The following TMEM266 variants were observed in gnomAD, a reference collection of about 807,000 sequenced individuals.
TMEM266 encodes the protein transmembrane protein 266.
In TMEM266, 33 loss-of-function variants were observed where a neutral mutation model predicts 50.5. The observed-to-expected ratio is 0.65, with a 90% CI of 0.50 to 0.87. The LOEUF (loss-of-function observed/expected upper bound fraction) is 0.87, where lower values mean the gene tolerates loss of function less well. Ranked by LOEUF, TMEM266 falls within the 40% of genes least tolerant of loss-of-function variation. The pLI is 0.00. For missense variants in TMEM266, 655 were observed against 695.1 expected (o/e 0.94, Z 0.65); for synonymous variants, 310 against 292.3 (o/e 1.06, Z -0.62).
intron 7 of TMEM266, chr15:76,175,078 TC>T (rs1425196684): frequency 1.3e-5 from 2 of 156,732 alleles, no homozygotes; most frequent in African/African-American, 4.8e-5. Flanking sequence ...TGTTTAACAC[TC>T]TGAAAAACGG....
chr15:76,124,033 G>A (rs1177248909), intron 1 of TMEM266, among the ~76,000 whole-genome samples: 1 of 152,196 alleles, frequency 6.6e-6, no homozygotes, highest in Non-Finnish European at 1.5e-5. Flanking sequence ...AATCTTGACT[G>A]GACTAGGTTC....
At chr15:76,088,253 T>C (rs2036800875) in intron 1 of TMEM266, among the ~76,000 whole-genome samples, 1 of 152,066 alleles carries the variant, frequency 6.6e-6, no homozygotes, top group African/African-American at 2.4e-5. Context: ...TAGAGGAAGA[T>C]GAAAATAGAT....
chr15:76,202,719 T>TTA (rs1245494535), intron 10 of TMEM266, among the ~76,000 whole-genome samples: 4 of 152,118 alleles, frequency 2.6e-5, no homozygotes, highest in African/African-American at 9.7e-5. Context: ...TGGTTTTTAC[T>TTA]TATGGGAAAA....
chr15:76,169,138 C>T (rs1209710389), intron 5 of TMEM266, among the ~76,000 whole-genome samples: 1 of 152,002 alleles, frequency 6.6e-6, no homozygotes, highest in Non-Finnish European at 1.5e-5. Flanking sequence ...CTTGGGAAGA[C>T]GGAAGGAGGA....
intron 2 of TMEM266, among the ~76,000 whole-genome samples, chr15:76,137,401 G>A (rs1287396883): frequency 1.3e-5 from 2 of 152,196 alleles, no homozygotes; most frequent in African/African-American, 4.8e-5. Context: ...CGGGCTGGCA[G>A]TTATCCATCT....
chr15:76,182,643 CA>C (rs1340676665), intron 8 of TMEM266, among the ~76,000 whole-genome samples: 1 of 151,668 alleles, frequency 6.6e-6, no homozygotes, highest in East Asian at 1.9e-4. Context: ...GACTCAGTCA[CA>C]AAAAAACAAA....
chr15:76,153,887 G>A lies in TMEM266; in HGVS notation c.228-2717G>A, dbSNP rs537055130. ...AGCGCTGTGCCGCTGGCACTGCTGC[G>A]GGCAGCAGCTTTAGGCTTCTGGGAG... On this transcript the variant is annotated intron_variant, in intron 3 of 10. Transcript: ENST00000388942. This position sits in a 1 kb window ranked among gnomAD's most constrained non-coding sequence, Gnocchi z 4.2. 5.9e-5 allele frequency among the ~76,000 whole-genome samples: 9 copies of A among 152,316 alleles called. No individual in the cohort carries two copies. Among genetic ancestry groups the A allele is most frequent in the Admixed American group, 1.3e-4 (2 of 15,308 alleles).
In TMEM266 at chr15:76,203,746, G is replaced by A. The variant is rs201840892; in HGVS notation, c.1027G>A (p.Gly343Ser). The stretch of plus-strand genomic sequence containing the variant: ...GATCCCCTCCTACCTTGCAGACAGC[G>A]GTGTCCCAGAGCCAGCTGTGTGTAT... Residue 343 changes from glycine to serine, a missense_variant, in exon 11 of 11, where the codon GGT (glycine) becomes AGT (serine). Physicochemically the swap from Gly to Ser is moderately conservative, Grantham distance 56. Transcript: ENST00000388942. 9.5e-5 allele frequency: 153 copies of A among 1,611,786 alleles called. No homozygotes were observed. The African/African-American group carries it at 1.1e-3, about 11-fold the overall frequency.
At chr15:76,087,730 T>A (rs2036795385) in intron 1 of TMEM266, among the ~76,000 whole-genome samples, 1 of 152,110 alleles carries the variant, frequency 6.6e-6, no homozygotes, top group Non-Finnish European at 1.5e-5. Flanking sequence ...CTTGAAGGAA[T>A]CCTGGGAGAC....
chr15:76,125,573 C>T (rs2142022438), intron 1 of TMEM266, among the ~76,000 whole-genome samples: 1 of 152,006 alleles, frequency 6.6e-6, no homozygotes, highest in Non-Finnish European at 1.5e-5. Context: ...TGGGGCTGGG[C>T]ATGGTGGCTC....
chr15:76,180,912 C>G (rs953868067), intron 8 of TMEM266: 8 of 152,324 alleles, frequency 5.3e-5, no homozygotes, highest in African/African-American at 1.9e-4. Flanking sequence ...CCGCACCCAG[C>G]CCATCTTAAC....
At chr15:76,142,209 C>G (rs986244507) in intron 3 of TMEM266, among the ~76,000 whole-genome samples, 1 of 152,178 alleles carries the variant, frequency 6.6e-6, no homozygotes, top group Non-Finnish European at 1.5e-5. Flanking sequence ...GCCAACATGG[C>G]AAAACCCCGT....
At chr15:76,100,932 T>C (rs776053072) in intron 1 of TMEM266, among the ~76,000 whole-genome samples, 7 of 151,542 alleles carry the variant, frequency 4.6e-5, no homozygotes, top group Non-Finnish European at 7.4e-5. Context: ...GTAGGACTTG[T>C]ATCAGCTTAG....
intron 3 of TMEM266, among the ~76,000 whole-genome samples, chr15:76,141,214 A>G (rs939816784): frequency 1.3e-4 from 20 of 149,234 alleles, no homozygotes; most frequent in Non-Finnish European, 1.5e-5. Context: ...ACCCTGTCCA[A>G]TGCCTTTAAC....
chr15:76,163,537 G>A (rs954871280), intron 5 of TMEM266, among the ~76,000 whole-genome samples: 1 of 152,206 alleles, frequency 6.6e-6, no homozygotes, highest in Admixed American at 6.5e-5. Context: ...AATATGCAGG[G>A]CCTTGCAATC....
chr15:76,175,638 G>C lies in TMEM266; in HGVS notation c.732G>C (p.Gln244His). The C allele has an allele frequency of 6.2e-7, 1 of 1,614,212 alleles. No individual in the cohort carries two copies. The highest frequency in any genetic ancestry group is 8.5e-7 in the Non-Finnish European group (1 of 1,180,012). ...AGGCCAAGGTCATCCAAGACGAGCA[G>C]CTGGAGAGGCTGACGCAGATCTGTC... is the stretch of plus-strand genomic sequence containing the variant. Residue 244 changes from glutamine to histidine, a missense_variant, in exon 8 of 11, where the codon CAG becomes CAC. Coordinates refer to ENST00000388942, the MANE Select transcript of TMEM266 (RefSeq NM_152335.3).
chr15:76,066,266 C>T (rs2955772), intron 1 of TMEM266, among the ~76,000 whole-genome samples: 12,389 of 152,056 alleles, frequency 0.081, 1,634 homozygotes, highest in African/African-American at 0.28. Flanking sequence ...AAGCTTGATA[C>T]GGGATAATTA....
chr15:76,128,290 G>C (rs1233771258), intron 1 of TMEM266, among the ~76,000 whole-genome samples: 2 of 152,226 alleles, frequency 1.3e-5, no homozygotes, highest in East Asian at 3.8e-4. Flanking sequence ...GTTGAATTCT[G>C]CCTTTTTTTA....
chr15:76,129,747 T>C (rs574967864), intron 1 of TMEM266, among the ~76,000 whole-genome samples: 2 of 152,280 alleles, frequency 1.3e-5, no homozygotes, highest in South Asian at 4.1e-4. Context: ...GACTCAGTTT[T>C]TCCAATTAAT....
Sources: allele counts gnomAD v4.1 joint callset (sites outside exome capture counted in the v4.1 genomes callset), GRCh38; gene constraint gnomAD v4.1.1; non-coding constraint Gnocchi (gnomAD v3.1); transcripts MANE v1.5; gene names NCBI Gene and HGNC (gene_info 2026-07-23, HGNC 2026-07-21).